RTP4: variants seen among roughly 807,000 people sequenced by gnomAD.
The protein encoded by RTP4 is receptor transporter protein 4.
RTP4 carries 5 observed loss-of-function variants against 6.5 expected under a neutral mutation model. That is an observed-to-expected ratio of 0.77 (90% CI 0.40 to 1.62). The LOEUF (loss-of-function observed/expected upper bound fraction) is 1.62, where lower values mean the gene tolerates loss of function less well. RTP4 is among the 40% of genes most tolerant of loss of function. The pLI is 0.02. For synonymous variants in RTP4, 112 were observed against 114.8 expected (o/e 0.98, Z 0.15); for missense variants, 266 against 288.7 (o/e 0.92, Z 0.57).
rs1416763283 is a variant in RTP4 at position 187,370,845 on chromosome 3, C to T, written c.213C>T (p.Cys71=). The change falls in exon 2 of 2, where the codon TGC becomes TGT. Residue 71 remains cysteine, a synonymous_variant. Transcript: ENST00000259030. ...CTTCCGCCCAAGTGCAGATTCTGTGCCACACGTACTGGGAGCACTGGACAT... is the reference window on the plus strand; with the variant it reads ...CTTCCGCCCAAGTGCAGATTCTGTGTCACACGTACTGGGAGCACTGGACAT... ...SWASAQVQIL[C]HTYWEHWTSQ... 1.9e-6 allele frequency: 3 copies of T among 1,614,104 alleles called. No individual in the cohort carries two copies. Among genetic ancestry groups the T allele is most frequent in the Non-Finnish European group, 2.5e-6 (3 of 1,180,032 alleles).
chr3:187,368,467 A>T lies in RTP4; in HGVS notation c.26A>T (p.Glu9Val). 1 of 1,613,388 alleles carries T rather than the reference A, an allele frequency of 6.2e-7. No individual in the cohort carries two copies. Among genetic ancestry groups the T allele is most frequent in the South Asian group, 1.1e-5 (1 of 90,960 alleles). MVVDFWTW[E>V]QTFQELIQEA... Reference sequence around the variant, plus strand: ...ATGGTTGTAGATTTCTGGACTTGGGAGCAGACATTTCAAGAACTAATCCAA... The same window carrying T: ...ATGGTTGTAGATTTCTGGACTTGGGTGCAGACATTTCAAGAACTAATCCAA... The change falls in exon 1 of 2, where the codon GAG (glutamate) becomes GTG (valine). Residue 9 changes from glutamate (E) to valine (V), a missense_variant. By Grantham distance (121) the Glu-to-Val change is moderately radical. Transcript: ENST00000259030.
In RTP4 at chr3:187,371,278, A is replaced by G. The variant is rs1279009434; in HGVS notation, c.646A>G (p.Lys216Glu). 6.2e-7 allele frequency: 1 copy of G among 1,609,984 alleles called. No individual in the cohort carries two copies. Among genetic ancestry groups the G allele is most frequent in the East Asian group, 2.2e-5 (1 of 44,874 alleles). The change falls in exon 2 of 2, where the codon AAA becomes GAA. Residue 216 changes from lysine (K) to glutamate (E), a missense_variant. By Grantham distance (56) the Lys-to-Glu change is moderately conservative (BLOSUM62 1). Transcript: ENST00000259030. ...AGAGGCTAAGGGGAGTGGGTATGAGAAATTAGGGCCCAGTCGAGACCCAGA... is the reference window on the plus strand; with the variant it reads ...AGAGGCTAAGGGGAGTGGGTATGAGGAATTAGGGCCCAGTCGAGACCCAGA... ...AKEAKGSGYE[K>E]LGPSRDPDPL...
Position 187,370,799 on chromosome 3 carries a change from C to G in RTP4, c.167C>G (p.Ser56Cys). Residue 56 changes from serine (S) to cysteine (C), a missense_variant, in exon 2 of 2, where the codon TCC becomes TGC. Coordinates refer to ENST00000259030, the MANE Select transcript of RTP4 (RefSeq NM_022147.3). The stretch of plus-strand genomic sequence containing the variant: ...CCTTCTGACTGCAGGTTCCGGTGTT[C>G]CTCCTGCCAGCGAAGTTGGGCTTCC... ...QQRAFGWFRC[S>C]SCQRSWASAQ... 6.2e-7 allele frequency: 1 copy of G among 1,612,256 alleles called. No individual in the cohort carries two copies. Among genetic ancestry groups the G allele is most frequent in the South Asian group, 1.1e-5 (1 of 90,996 alleles).
In RTP4 at chr3:187,371,397, C is replaced by G. The variant is rs748335957; in HGVS notation, c.*24C>G. 12 of 1,528,274 alleles carry G rather than the reference C, an allele frequency of 7.9e-6. No homozygotes were observed. In the East Asian group the frequency reaches 2.7e-4, roughly 35 times the overall value. The allele number at this position is 1,528,274 out of a possible 1,614,324, so 94.7% of individuals were successfully genotyped here. ...GATGAAAATAGGCTTGCCACTTTCTCTTATTTTAATTCCATGGTAGTCAAT... is the reference window on the plus strand; with the variant it reads ...GATGAAAATAGGCTTGCCACTTTCTGTTATTTTAATTCCATGGTAGTCAAT... On this transcript the variant is annotated 3_prime_UTR_variant, in exon 2 of 2. Transcript: ENST00000259030.
intron 1 of RTP4, 83 bp from the exon 2 acceptor site, chr3:187,370,705 T>A: frequency 1.2e-6 from 1 of 864,974 alleles, no homozygotes; most frequent in Non-Finnish European, 1.8e-6. Flanking sequence ...TGGAAAAGGA[T>A]GTTAGTGACA....
At chr3:187,370,743 A>T in intron 1 of RTP4, 45 bp from the exon 2 acceptor site, 2 of 1,457,538 alleles carry the variant, frequency 1.4e-6, no homozygotes, top group Non-Finnish European at 1.9e-6. Context: ...CCCTCAGGTT[A>T]ACAACCAGAT....
rs1711539518 is a variant in RTP4 at position 187,368,514 on chromosome 3, T to C, written c.73T>C (p.Trp25Arg). The change falls in exon 1 of 2, where the codon TGG becomes CGG. Residue 25 changes from tryptophan (W) to arginine (R), a missense_variant. Physicochemically the swap from Trp to Arg is moderately radical, Grantham distance 101 (BLOSUM62 -3). Transcript: ENST00000259030. ...CCAAGAGGCAAAACCCCGGGCCACA[T>C]GGACGCTGAAGTTGGATGGCAACCT... ...LIQEAKPRAT[W>R]TLKLDGNLQL... The C allele has an allele frequency of 1.9e-6, 3 of 1,614,098 alleles. No individual in the cohort carries two copies. Among genetic ancestry groups the C allele is most frequent in the African/African-American group, 1.3e-5 (1 of 75,036 alleles).
In RTP4 at chr3:187,371,047, G is replaced by A. The variant is rs201365038; in HGVS notation, c.415G>A (p.Val139Ile). The change falls in exon 2 of 2, where the codon GTA (valine) becomes ATA (isoleucine). Residue 139 changes from valine to isoleucine, a missense_variant. Physicochemically the swap from Val to Ile is conservative, Grantham distance 29. Coordinates refer to ENST00000259030, the MANE Select transcript of RTP4 (RefSeq NM_022147.3). ...NGTRKSPEMPVILEVSLEGSH... is the reference protein window; with the variant it reads ...NGTRKSPEMPIILEVSLEGSH... Reference sequence around the variant, plus strand: ...CACGAGGAAGTCTCCAGAAATGCCAGTAATCCTGGAAGTGTCCCTGGAAGG... The same window carrying A: ...CACGAGGAAGTCTCCAGAAATGCCAATAATCCTGGAAGTGTCCCTGGAAGG... The A allele has an allele frequency of 2.0e-5, 33 of 1,614,098 alleles. No homozygotes were observed. Among genetic ancestry groups the A allele is most frequent in the Non-Finnish European group, 2.5e-5 (30 of 1,180,048 alleles).
In RTP4 at chr3:187,371,086, G is replaced by A. The variant is rs1711604597; in HGVS notation, c.454G>A (p.Ala152Thr). 6.2e-7 allele frequency: 1 copy of A among 1,614,202 alleles called. No homozygotes were observed. The highest frequency in any genetic ancestry group is 1.3e-5 in the African/African-American group (1 of 75,050). ...EVSLEGSHDTANCEACTLGIC... is the reference protein window; with the variant it reads ...EVSLEGSHDTTNCEACTLGIC... The stretch of plus-strand genomic sequence containing the variant: ...GTCCCTGGAAGGATCCCATGACACA[G>A]CCAATTGTGAGGCATGCACTTTGGG... The change falls in exon 2 of 2, where the codon GCC becomes ACC. Residue 152 changes from alanine (A) to threonine (T), a missense_variant. Transcript: ENST00000259030.
chr3:187,369,590 ATATATG>A (rs1454816830), intron 1 of RTP4, among the ~76,000 whole-genome samples: 8 of 151,602 alleles, frequency 5.3e-5, no homozygotes, highest in Admixed American at 3.3e-4. Flanking sequence ...AAGATAAAAT[ATATATG>A]TATATGTATA....
At position 187,371,050 on chromosome 3, in the gene RTP4, A is replaced by G; in HGVS notation, c.418A>G (p.Ile140Val). The G allele has an allele frequency of 1.2e-6, 2 of 1,614,240 alleles. No individual in the cohort carries two copies. Among genetic ancestry groups the G allele is most frequent in the Non-Finnish European group, 1.7e-6 (2 of 1,180,044 alleles). ...GAGGAAGTCTCCAGAAATGCCAGTA[A>G]TCCTGGAAGTGTCCCTGGAAGGATC... is the stretch of plus-strand genomic sequence containing the variant. ...GTRKSPEMPV[I>V]LEVSLEGSHD... Residue 140 changes from isoleucine to valine, a missense_variant, in exon 2 of 2, where the codon ATC becomes GTC. Physicochemically the swap from Ile to Val is conservative, Grantham distance 29. Coordinates refer to ENST00000259030, the MANE Select transcript of RTP4 (RefSeq NM_022147.3).
chr3:187,371,969 T>C lies in RTP4; in HGVS notation c.*596T>C, dbSNP rs1003654011. ...AAGGAACAGATTCTCCCCTGGAGTC[T>C]GCAGAAGGAACCAGCCCTGCCTGCA... On this transcript the variant is annotated 3_prime_UTR_variant, in exon 2 of 2. Transcript: ENST00000259030. 2 of 152,662 alleles carry C rather than the reference T, an allele frequency of 1.3e-5. No individual in the cohort carries two copies. The highest frequency in any genetic ancestry group is 2.4e-5 in the African/African-American group (1 of 41,474). The allele number at this position is 152,662 out of a possible 1,614,324, so 9.5% of individuals were successfully genotyped here.
intron 1 of RTP4, 76 bp from the exon 2 acceptor site, chr3:187,370,712 G>T: frequency 1.0e-6 from 1 of 992,590 alleles, no homozygotes. Flanking sequence ...GGATGTTAGT[G>T]ACAGGGGCCA....
In RTP4 at chr3:187,368,523, A is replaced by C. The variant is rs1264468110; in HGVS notation, c.82A>C (p.Lys28Gln). ...AAAACCCCGGGCCACATGGACGCTG[A>C]AGTTGGATGGCAACCTTCAGCTAGA... is the stretch of plus-strand genomic sequence containing the variant. ...EAKPRATWTL[K>Q]LDGNLQLDCL... Residue 28 changes from lysine (K) to glutamine (Q), a missense_variant, in exon 1 of 2, where the codon AAG becomes CAG. By Grantham distance (53) the Lys-to-Gln change is moderately conservative. Transcript: ENST00000259030. 4.3e-6 allele frequency: 7 copies of C among 1,614,036 alleles called. No individual in the cohort carries two copies. The highest frequency in any genetic ancestry group is 5.9e-6 in the Non-Finnish European group (7 of 1,180,018).
At position 187,368,579 on chromosome 3, in the gene RTP4, A is replaced by T; in HGVS notation, c.138A>T (p.Gln46His). 1.2e-6 allele frequency: 2 copies of T among 1,612,420 alleles called. No individual in the cohort carries two copies. Among genetic ancestry groups the T allele is most frequent in the Non-Finnish European group, 1.7e-6 (2 of 1,179,514 alleles). Residue 46 changes from glutamine (Q) to histidine (H), a missense_variant, in exon 1 of 2, where the codon CAA becomes CAT. Physicochemically the swap from Gln to His is conservative, Grantham distance 24 (BLOSUM62 0). Coordinates refer to ENST00000259030, the MANE Select transcript of RTP4 (RefSeq NM_022147.3). ...DCLAQGWKQY[Q>H]QRAFGWFRCS... ...TGGCTCAAGGGTGGAAGCAATACCA[A>T]CAGAGAGCATTTGGCTGGTGAGTGT...
In RTP4 at chr3:187,370,875, G is replaced by A; in HGVS notation, c.243G>A (p.Gln81=). 1 of 1,614,104 alleles carries A rather than the reference G, an allele frequency of 6.2e-7. No individual in the cohort carries two copies. Among genetic ancestry groups the A allele is most frequent in the Non-Finnish European group, 8.5e-7 (1 of 1,180,034 alleles). Residue 81 remains glutamine, a synonymous_variant, in exon 2 of 2, where the codon CAG becomes CAA. Coordinates refer to ENST00000259030, the MANE Select transcript of RTP4 (RefSeq NM_022147.3). The part of the protein sequence containing the change: ...CHTYWEHWTS[Q]GQVRMRLFGQ... ...CGTACTGGGAGCACTGGACATCCCA[G>A]GGTCAGGTGCGTATGAGGCTCTTTG...
rs1045281071 is a variant in RTP4, at chr3:187,371,504, C to G, written c.*131C>G. On this transcript the variant is annotated 3_prime_UTR_variant, in exon 2 of 2. Coordinates refer to ENST00000259030, the MANE Select transcript of RTP4 (RefSeq NM_022147.3). ...AGTTTGTAGAATAAACACTGGTTTC[C>G]TAGCCATCCTCTGAAAACAGTATGA... 3.1e-6 allele frequency: 2 copies of G among 652,428 alleles called. No homozygotes were observed. The highest frequency in any genetic ancestry group is 5.2e-6 in the Non-Finnish European group (2 of 384,850). 40.4% of individuals were successfully genotyped at this position (652,428 alleles called of 1,614,324 possible).
chr3:187,368,399 CG>C lies in RTP4; in HGVS notation c.-42del. The C allele has an allele frequency of 6.4e-7, 1 of 1,557,198 alleles. No homozygotes were observed. Among genetic ancestry groups the C allele is most frequent in the Non-Finnish European group, 8.7e-7 (1 of 1,151,814 alleles). On this transcript the variant is annotated 5_prime_UTR_variant, in exon 1 of 2. Coordinates refer to ENST00000259030, the MANE Select transcript of RTP4 (RefSeq NM_022147.3). ...AAACTGTTTGTCTCTTCCTGAGAAA[CG>C]AGCAAACCTGAAAGCTACTCTCTCA... is the stretch of plus-strand genomic sequence containing the variant.
intron 1 of RTP4, among the ~76,000 whole-genome samples, chr3:187,369,731 T>G (rs1488087447): frequency 1.3e-5 from 2 of 151,996 alleles, no homozygotes; most frequent in African/African-American, 2.4e-5. Context: ...AGCTGCAGAA[T>G]CTGTTGTTTA....
Sources: allele counts gnomAD v4.1 joint callset (sites outside exome capture counted in the v4.1 genomes callset), GRCh38; gene constraint gnomAD v4.1.1; transcripts MANE v1.5; gene names NCBI Gene and HGNC (gene_info 2026-07-23, HGNC 2026-07-21).